The following ASTN1 variants were observed in gnomAD, a reference collection of about 807,000 sequenced individuals.
ASTN1 encodes astrotactin-1.
ASTN1 carries 41 observed loss-of-function variants against 140.7 expected under a neutral mutation model. The observed-to-expected ratio is 0.29, with a 90% CI of 0.23 to 0.38. The LOEUF (loss-of-function observed/expected upper bound fraction) is 0.38, where lower values mean the gene tolerates loss of function less well. Among genes scored for constraint, ASTN1 ranks in the 10% least tolerant of loss-of-function variants. ASTN1 has a pLI of 1.00. For missense variants in ASTN1, 1,479 were observed against 1,678.8 expected (o/e 0.88, Z 2.08); for synonymous variants, 640 against 652.2 (o/e 0.98, Z 0.29).
intron 9 of ASTN1, among the ~76,000 whole-genome samples, chr1:176,963,825 G>A (rs1192919318): frequency 1.3e-5 from 2 of 152,170 alleles, no homozygotes; most frequent in Admixed American, 6.5e-5. Flanking sequence ...AAAGTCAGCC[G>A]AATGATAAAT....
intron 1 of ASTN1, among the ~76,000 whole-genome samples, chr1:177,080,391 C>T (rs762910274): frequency 1.3e-5 from 2 of 152,022 alleles, no homozygotes; most frequent in Non-Finnish European, 2.9e-5. Context: ...GTCCTTTAGA[C>T]CAATACTAGT....
chr1:177,132,052 A>G (rs766217575), intron 1 of ASTN1, among the ~76,000 whole-genome samples: 3 of 152,188 alleles, frequency 2.0e-5, no homozygotes, highest in Non-Finnish European at 4.4e-5. Flanking sequence ...GAGGTTTGGA[A>G]GGGACAAACA....
At chr1:177,031,679 T>A (rs948544222) in intron 3 of ASTN1, among the ~76,000 whole-genome samples, 1 of 152,202 alleles carries the variant, frequency 6.6e-6, no homozygotes, top group Non-Finnish European at 1.5e-5. Context: ...GTAAGCAACA[T>A]TCAGCATCAA....
chr1:177,040,752 G>T (rs1283915740), intron 2 of ASTN1, among the ~76,000 whole-genome samples: 2 of 152,268 alleles, frequency 1.3e-5, no homozygotes, highest in South Asian at 2.1e-4. Flanking sequence ...CATTAGGTTT[G>T]ATCGTCTTTC....
At chr1:177,097,812 A>G (rs1263264253) in intron 1 of ASTN1, among the ~76,000 whole-genome samples, 1 of 152,174 alleles carries the variant, frequency 6.6e-6, no homozygotes, top group Admixed American at 6.5e-5. Flanking sequence ...TCAGTGGTCA[A>G]TAATTTAATC....
chr1:176,934,811 G>A (rs867456991), intron 15 of ASTN1, among the ~76,000 whole-genome samples: 12 of 152,030 alleles, frequency 7.9e-5, no homozygotes, highest in Admixed American at 2.0e-4. Flanking sequence ...ATGTGTACGC[G>A]CAAGGTCACG....
chr1:176,964,697 C>T (rs537806001), intron 9 of ASTN1, among the ~76,000 whole-genome samples: 5 of 151,956 alleles, frequency 3.3e-5, no homozygotes, highest in South Asian at 4.2e-4. Context: ...AAGGCAGGGG[C>T]GGGAGAGATT....
At chr1:177,046,775 G>A (rs1405153394) in intron 2 of ASTN1, among the ~76,000 whole-genome samples, 1 of 152,186 alleles carries the variant, frequency 6.6e-6, no homozygotes, top group African/African-American at 2.4e-5. Flanking sequence ...ATATGTGAAG[G>A]GAGGAAGAGA....
chr1:177,141,889 A>G (rs983930063), intron 1 of ASTN1, among the ~76,000 whole-genome samples: 27 of 152,216 alleles, frequency 1.8e-4, no homozygotes, highest in Non-Finnish European at 4.4e-5. Flanking sequence ...TTCTTACTTG[A>G]CTGGATGAAA....
intron 8 of ASTN1, among the ~76,000 whole-genome samples, chr1:177,011,070 C>A (rs754720832): frequency 6.6e-6 from 1 of 152,134 alleles, no homozygotes; most frequent in African/African-American, 2.4e-5. Context: ...TGCCACCTTA[C>A]CAGCCTCTTA....
chr1:176,958,597 A>G, intron 9 of ASTN1, 115 bp from the exon 10 acceptor site: 2 of 1,350,950 alleles, frequency 1.5e-6, no homozygotes, highest in South Asian at 3.4e-5. Flanking sequence ...TCCTTTTCAG[A>G]AAGACTGCCT....
At chr1:177,019,334 C>T (rs905932743) in intron 7 of ASTN1, among the ~76,000 whole-genome samples, 13 of 152,120 alleles carry the variant, frequency 8.5e-5, no homozygotes, top group Non-Finnish European at 1.5e-4. Context: ...TTATTTTTAC[C>T]GAAAACCATT....
chr1:176,914,326 C>T (rs920460341), intron 16 of ASTN1, among the ~76,000 whole-genome samples: 1 of 152,084 alleles, frequency 6.6e-6, no homozygotes, highest in African/African-American at 2.4e-5. Context: ...GGGGAGTCGC[C>T]AAAGGCCTCA....
chr1:176,885,524 C>G (rs912881432), intron 18 of ASTN1, among the ~76,000 whole-genome samples: 3 of 152,144 alleles, frequency 2.0e-5, no homozygotes, highest in African/African-American at 7.2e-5. Flanking sequence ...GCCTCCCTCC[C>G]TTACAAGTAT....
At chr1:176,878,096 G>A (rs1411150919) in intron 20 of ASTN1, among the ~76,000 whole-genome samples, 2 of 152,014 alleles carry the variant, frequency 1.3e-5, no homozygotes, top group Non-Finnish European at 2.9e-5. Flanking sequence ...GCTGAATTAC[G>A]GGGGCCTCAC....
chr1:177,102,076 CA>C (rs1680329955), intron 1 of ASTN1, among the ~76,000 whole-genome samples: 1 of 152,144 alleles, frequency 6.6e-6, no homozygotes, highest in Non-Finnish European at 1.5e-5. Flanking sequence ...CCACTAATTA[CA>C]AAGAGAAATC....
At position 177,104,436 on chromosome 1, in the gene ASTN1, T is replaced by A. The variant is rs545815503; in HGVS notation, c.284-43171A>T. ...AAAAGAAAAAAAAGTCCCTTAATAA[T>A]TTATTCATAATGTTATTAAAACAAA... On this transcript the variant is annotated intron_variant, in intron 1 of 22. Coordinates refer to ENST00000361833, the MANE Select transcript of ASTN1 (RefSeq NM_004319.3). Among the ~76,000 whole-genome samples the A allele has an allele frequency of 2.0e-5, 3 of 152,286 alleles. No individual in the cohort carries two copies. The South Asian group carries it at 6.2e-4, about 32-fold the overall frequency.
intron 2 of ASTN1, among the ~76,000 whole-genome samples, chr1:177,035,601 A>C (rs1465962100): frequency 6.6e-6 from 1 of 152,202 alleles, no homozygotes; most frequent in African/African-American, 2.4e-5. Flanking sequence ...GTGTCACTAC[A>C]TGCCTGAGAG....
chr1:176,921,004 G>T (rs1286294348), intron 16 of ASTN1, among the ~76,000 whole-genome samples: 1 of 152,174 alleles, frequency 6.6e-6, no homozygotes, highest in East Asian at 1.9e-4. Flanking sequence ...AAGTTAATCA[G>T]ATTGGAAAAC....
Sources: allele counts gnomAD v4.1 joint callset (sites outside exome capture counted in the v4.1 genomes callset), GRCh38; gene constraint gnomAD v4.1.1; transcripts MANE v1.5; gene names NCBI Gene and HGNC (gene_info 2026-07-23, HGNC 2026-07-21).